SLC44A5: variants seen among roughly 807,000 people sequenced by gnomAD.
The protein encoded by SLC44A5 is solute carrier family 44 member 5.
A neutral mutation model predicts 101.8 loss-of-function variants in SLC44A5; 57 were observed. That is an observed-to-expected ratio of 0.56 (90% CI 0.45 to 0.70). SLC44A5 has a LOEUF of 0.70. Among genes scored for constraint, SLC44A5 ranks in the 30% least tolerant of loss-of-function variants. The pLI is 0.00. For missense variants in SLC44A5, 737 were observed against 853.1 expected, an observed-to-expected ratio of 0.86 and a Z score of 1.70; for synonymous variants, 281 against 290.9, an observed-to-expected ratio of 0.97 and a Z score of 0.35.
intron 6 of SLC44A5, among the ~76,000 whole-genome samples, chr1:75,264,384 G>C (rs769322059): frequency 6.6e-6 from 1 of 152,126 alleles, no homozygotes; most frequent in Non-Finnish European, 1.5e-5. Flanking sequence ...AGATTATTCT[G>C]TTTGCAGCTG....
intron 1 of SLC44A5, among the ~76,000 whole-genome samples, chr1:75,550,888 G>T (rs1226111858): frequency 6.6e-6 from 1 of 152,134 alleles, no homozygotes; most frequent in Non-Finnish European, 1.5e-5. Context: ...GATATCCTAT[G>T]CTAAGACACT....
At chr1:75,306,342 G>A (rs1467302280) in intron 4 of SLC44A5, among the ~76,000 whole-genome samples, 1 of 152,144 alleles carries the variant, frequency 6.6e-6, no homozygotes, top group Admixed American at 6.5e-5. Context: ...AACAATCTAT[G>A]TCCCGTGAAT....
chr1:75,623,155 A>G, the SLC44A5 span, among the ~76,000 whole-genome samples: 14 of 152,154 alleles, frequency 9.2e-5, no homozygotes, highest in African/African-American at 3.1e-4. Flanking sequence ...CAGTTTTACA[A>G]GGGAGATAGA....
At chr1:75,499,339 G>A (rs1482231193) in intron 2 of SLC44A5, among the ~76,000 whole-genome samples, 2 of 152,150 alleles carry the variant, frequency 1.3e-5, no homozygotes, top group Non-Finnish European at 2.9e-5. Flanking sequence ...TCCCTCGCAC[G>A]TGCAGTTCAC....
the SLC44A5 span, among the ~76,000 whole-genome samples, chr1:75,666,774 G>T: frequency 6.6e-6 from 1 of 152,112 alleles, no homozygotes; most frequent in South Asian, 2.1e-4. Context: ...ATGCAAGGCT[G>T]GTTCAACATA....
intron 6 of SLC44A5, among the ~76,000 whole-genome samples, chr1:75,259,547 T>G (rs1393121656): frequency 6.6e-6 from 1 of 152,084 alleles, no homozygotes; most frequent in Non-Finnish European, 1.5e-5. Flanking sequence ...ACCAAATATA[T>G]GTTTGATTGG....
chr1:75,480,003 A>G (rs960535177), intron 2 of SLC44A5, among the ~76,000 whole-genome samples: 2 of 152,264 alleles, frequency 1.3e-5, no homozygotes, highest in African/African-American at 2.4e-5. Flanking sequence ...AAAATCCTCA[A>G]TAAAATACTG....
chr1:75,388,020 C>A (rs1347510086), intron 3 of SLC44A5, among the ~76,000 whole-genome samples: 2 of 138,216 alleles, frequency 1.4e-5, no homozygotes, highest in Non-Finnish European at 1.5e-5. Context: ...ATGAGATCAC[C>A]TGGACACAGG....
At chr1:75,554,672 T>C (rs1270342216) in intron 1 of SLC44A5, among the ~76,000 whole-genome samples, 1 of 151,998 alleles carries the variant, frequency 6.6e-6, no homozygotes, top group Admixed American at 6.6e-5. Context: ...CAAAACATAA[T>C]GGATTTGATA....
chr1:75,463,196 C>T (rs571141030), intron 2 of SLC44A5, among the ~76,000 whole-genome samples: 24 of 152,068 alleles, frequency 1.6e-4, no homozygotes, highest in African/African-American at 5.1e-4. Flanking sequence ...CCGAGGCAGG[C>T]GGATCACAAG....
the SLC44A5 span, among the ~76,000 whole-genome samples, chr1:75,644,445 A>G: frequency 6.6e-6 from 1 of 152,064 alleles, no homozygotes; most frequent in Non-Finnish European, 1.5e-5. Flanking sequence ...CTTTTTAACA[A>G]AAGTTCACCT....
chr1:75,696,964 A>C, the SLC44A5 span, among the ~76,000 whole-genome samples: 1 of 152,022 alleles, frequency 6.6e-6, no homozygotes, highest in Non-Finnish European at 1.5e-5. Flanking sequence ...CAGAGTTCTG[A>C]AAATGAGAGA....
At chr1:75,691,852 G>A in the SLC44A5 span, among the ~76,000 whole-genome samples, 1 of 152,120 alleles carries the variant, frequency 6.6e-6, no homozygotes, top group Non-Finnish European at 1.5e-5. Context: ...CTCATCATGG[G>A]GGCCTCACTC....
At chr1:75,415,106 G>A (rs1401574635) in intron 2 of SLC44A5, among the ~76,000 whole-genome samples, 1 of 152,196 alleles carries the variant, frequency 6.6e-6, no homozygotes, top group Admixed American at 6.5e-5. Context: ...AGGAGATGGG[G>A]AGAAATACAT....
At chr1:75,331,448 A>G (rs1030494070) in intron 4 of SLC44A5, among the ~76,000 whole-genome samples, 7 of 152,082 alleles carry the variant, frequency 4.6e-5, no homozygotes, top group African/African-American at 1.4e-4. Flanking sequence ...CTCTACCACC[A>G]AAGCATATCT....
At chr1:75,588,111 C>T (rs997341570) in intron 1 of SLC44A5, among the ~76,000 whole-genome samples, 3 of 151,882 alleles carry the variant, frequency 2.0e-5, no homozygotes, top group African/African-American at 7.3e-5. Flanking sequence ...GTAGTTTACT[C>T]GATAAAGCCC....
At chr1:75,633,144 T>C in the SLC44A5 span, among the ~76,000 whole-genome samples, 2 of 152,146 alleles carry the variant, frequency 1.3e-5, no homozygotes, top group African/African-American at 4.8e-5. Context: ...ATAAATAATA[T>C]GATTACTTAA....
chr1:75,682,188 T>C, the SLC44A5 span, among the ~76,000 whole-genome samples: 2 of 152,188 alleles, frequency 1.3e-5, no homozygotes, highest in Admixed American at 1.3e-4. Flanking sequence ...CCCAAGGTAA[T>C]TTACGGATTC....
chr1:75,616,698 A>C, the SLC44A5 span, among the ~76,000 whole-genome samples: 176 of 152,214 alleles, frequency 1.2e-3, 1 homozygote, highest in South Asian at 0.021. Flanking sequence ...AAGAGGGGAG[A>C]GGGAAACAGG....
Sources: allele counts gnomAD v4.1 joint callset (sites outside exome capture counted in the v4.1 genomes callset), GRCh38; gene constraint gnomAD v4.1.1; transcripts MANE v1.5; gene names NCBI Gene and HGNC (gene_info 2026-07-23, HGNC 2026-07-21).